Variants in NREP observed in about 807,000 individuals in gnomAD.
The protein encoded by NREP is neuronal regeneration related protein.
NREP carries 5 observed loss-of-function variants against 8.6 expected under a neutral mutation model. The observed-to-expected ratio is 0.58, with a 90% CI of 0.30 to 1.22. The LOEUF (loss-of-function observed/expected upper bound fraction) is 1.22. Among genes scored for constraint, NREP ranks in the 50% most tolerant of loss-of-function variants. The pLI is 0.07. For synonymous variants in NREP, 27 were observed against 28.0 expected (o/e 0.96, Z 0.11); for missense variants, 86 against 82.5 (o/e 1.04, Z -0.17).
intron 2 of NREP, among the ~76,000 whole-genome samples, chr5:111,920,174 C>T (rs942961447): frequency 2.6e-5 from 4 of 152,076 alleles, no homozygotes; most frequent in South Asian, 2.1e-4. Context: ...TGGAAAATTG[C>T]CTTTCCCTGG....
At chr5:111,821,804 C>T (rs2112925033) in intron 2 of NREP, among the ~76,000 whole-genome samples, 1 of 152,200 alleles carries the variant, frequency 6.6e-6, no homozygotes, top group East Asian at 1.9e-4. Context: ...TCTCTCTTGC[C>T]TTCACTTTTT....
chr5:111,754,265 C>G (rs1451928367), intron 2 of NREP, among the ~76,000 whole-genome samples: 2 of 152,172 alleles, frequency 1.3e-5, no homozygotes, highest in Non-Finnish European at 2.9e-5. Context: ...GCATGCTTAC[C>G]TTCTACAAAG....
chr5:111,847,537 CA>C (rs929305483), intron 2 of NREP, among the ~76,000 whole-genome samples: 1 of 152,148 alleles, frequency 6.6e-6, no homozygotes, highest in African/African-American at 2.4e-5. Context: ...GTATTATCTC[CA>C]TGCAATCATA....
chr5:111,745,138 C>G (rs1312956817), intron 2 of NREP, among the ~76,000 whole-genome samples: 1 of 152,092 alleles, frequency 6.6e-6, no homozygotes, highest in Non-Finnish European at 1.5e-5. Context: ...AATGTTACCA[C>G]AAGGAAGAAA....
intron 2 of NREP, among the ~76,000 whole-genome samples, chr5:111,799,736 A>G (rs1751958831): frequency 6.6e-6 from 1 of 152,256 alleles, no homozygotes. Flanking sequence ...ACTTATGCGT[A>G]CATAATTCTG....
At chr5:111,882,310 C>G (rs1347296849) in intron 2 of NREP, among the ~76,000 whole-genome samples, 1 of 152,166 alleles carries the variant, frequency 6.6e-6, no homozygotes, top group Non-Finnish European at 1.5e-5. Context: ...AACAAAGCCT[C>G]TAAGAAATAT....
At chr5:111,886,060 C>T (rs1361065389) in intron 2 of NREP, among the ~76,000 whole-genome samples, 32 of 152,106 alleles carry the variant, frequency 2.1e-4, no homozygotes, top group Non-Finnish European at 2.6e-4. Flanking sequence ...AGAAAATTTT[C>T]GCAACCTACT....
At chr5:111,777,355 A>AGTGTGTGTGTGT (rs57727316) in intron 2 of NREP, among the ~76,000 whole-genome samples, 1 of 148,678 alleles carries the variant, frequency 6.7e-6, no homozygotes, top group South Asian at 2.1e-4. Context: ...TGTGTGTGTG[A>AGTGTGTGTGTGT]GTGTGTGTGT....
intron 2 of NREP, among the ~76,000 whole-genome samples, chr5:111,827,748 C>T (rs1752662052): frequency 6.6e-6 from 1 of 151,906 alleles, no homozygotes; most frequent in African/African-American, 2.4e-5. Flanking sequence ...GAAGCTGAGG[C>T]AGAAGAATTG....
At chr5:111,874,339 T>G (rs977842870) in intron 2 of NREP, among the ~76,000 whole-genome samples, 1 of 152,186 alleles carries the variant, frequency 6.6e-6, no homozygotes, top group Non-Finnish European at 1.5e-5. Context: ...TTTCATGAGT[T>G]CAAGATGGAA....
intron 2 of NREP, among the ~76,000 whole-genome samples, chr5:111,885,421 A>G (rs2112523649): frequency 6.6e-6 from 1 of 151,596 alleles, no homozygotes; most frequent in South Asian, 2.1e-4. Context: ...TATAGATTCA[A>G]TGCCATCCCC....
intron 2 of NREP, 142 bp downstream of exon 2, chr5:111,755,627 AG>A (rs1468579890): frequency 1.6e-5 from 14 of 891,934 alleles, no homozygotes; most frequent in Non-Finnish European, 2.6e-5. Context: ...CAACGCTCCC[AG>A]GAACTGGAGA....
intron 2 of NREP, among the ~76,000 whole-genome samples, chr5:111,881,508 G>C (rs886304718): frequency 2.6e-5 from 4 of 152,208 alleles, no homozygotes; most frequent in Non-Finnish European, 5.9e-5. Flanking sequence ...GGAGATCTGA[G>C]AATGGGCAGA....
intron 2 of NREP, among the ~76,000 whole-genome samples, chr5:111,783,254 C>T (rs1751535643): frequency 6.6e-6 from 1 of 152,130 alleles, no homozygotes; most frequent in African/African-American, 2.4e-5. Flanking sequence ...GTACTAACTC[C>T]CTGAGGTAAT....
chr5:111,840,634 T>C (rs1753006433), intron 2 of NREP, among the ~76,000 whole-genome samples: 1 of 152,136 alleles, frequency 6.6e-6, no homozygotes, highest in Non-Finnish European at 1.5e-5. Context: ...CTTAAGTCAG[T>C]CACTCTTTAG....
intron 2 of NREP, among the ~76,000 whole-genome samples, chr5:111,743,705 G>A (rs1749824011): frequency 6.6e-6 from 1 of 152,134 alleles, no homozygotes; most frequent in African/African-American, 2.4e-5. Context: ...GACATCTGGA[G>A]TAGCAGGGCT....
intron 2 of NREP, among the ~76,000 whole-genome samples, chr5:111,801,318 G>A (rs1478477803): frequency 1.3e-5 from 2 of 152,160 alleles, no homozygotes; most frequent in South Asian, 4.1e-4. Flanking sequence ...GGGGTGCTGA[G>A]AGAGGGGGTG....
chr5:111,865,265 G>A (rs138558393), intron 2 of NREP, among the ~76,000 whole-genome samples: 2 of 152,148 alleles, frequency 1.3e-5, no homozygotes, highest in South Asian at 2.1e-4. Context: ...TTTCTAAAGT[G>A]TATCAGTGGT....
At chr5:111,868,363 C>G (rs1342231945) in intron 2 of NREP, among the ~76,000 whole-genome samples, 4 of 152,036 alleles carry the variant, frequency 2.6e-5, no homozygotes, top group Non-Finnish European at 5.9e-5. Context: ...CTTTGCAGAG[C>G]AAAGAAAATG....
Sources: gnomAD v4.1 joint callset for allele counts (sites outside exome capture counted in the v4.1 genomes callset) on GRCh38, gnomAD v4.1.1 for gene constraint, MANE v1.5 for transcripts, NCBI Gene and HGNC (gene_info 2026-07-23, HGNC 2026-07-21) for gene names.